DRC11: variants seen among roughly 807,000 people sequenced by gnomAD.
DRC11 encodes the protein IQ and AAA domain-containing protein 1.
chr2:236,507,365 A>G, the DRC11 span: 1 of 1,313,196 alleles, frequency 7.6e-7, no homozygotes, highest in Middle Eastern at 1.9e-4. Context: ...ACCAGGAGCT[A>G]CAGAGGATTT....
chr2:236,380,609 C>T, the DRC11 span: 1 of 1,551,524 alleles, frequency 6.4e-7, no homozygotes, highest in Non-Finnish European at 8.7e-7. This position sits in a 1 kb window ranked among gnomAD's most constrained non-coding sequence, Gnocchi z 4.9. Context: ...GCCTTCTTCT[C>T]TTTCTTTTTG....
the DRC11 span, among the ~76,000 whole-genome samples, chr2:236,352,411 C>T: frequency 6.6e-6 from 1 of 152,046 alleles, no homozygotes; most frequent in African/African-American, 2.4e-5. The surrounding 1 kb of genome is among the most constrained non-coding windows in gnomAD (Gnocchi z 7.0). Context: ...GGACAGAAGG[C>T]AGGAGGATGG....
the DRC11 span, chr2:236,380,551 A>G: frequency 6.5e-7 from 1 of 1,547,640 alleles, no homozygotes; most frequent in Non-Finnish European, 8.7e-7. The surrounding 1 kb of genome is among the most constrained non-coding windows in gnomAD (Gnocchi z 4.9). Flanking sequence ...ATCACAACAC[A>G]ACGAGTCCAT....
chr2:236,439,254 C>A, the DRC11 span, among the ~76,000 whole-genome samples: 1 of 151,908 alleles, frequency 6.6e-6, no homozygotes, highest in Non-Finnish European at 1.5e-5. Flanking sequence ...CACAAAAAAC[C>A]CTTCAAAACA....
At chr2:236,312,053 C>T in the DRC11 span, among the ~76,000 whole-genome samples, 2 of 152,010 alleles carry the variant, frequency 1.3e-5, no homozygotes, top group Non-Finnish European at 2.9e-5. Flanking sequence ...TAATTGATTC[C>T]TTAAAACTCA....
the DRC11 span, among the ~76,000 whole-genome samples, chr2:236,469,922 T>C: frequency 1.3e-5 from 2 of 152,234 alleles, no homozygotes; most frequent in African/African-American, 4.8e-5. The surrounding 1 kb of genome is among the most constrained non-coding windows in gnomAD (Gnocchi z 5.8). Flanking sequence ...TAATGAAGGC[T>C]TCCCATGTGA....
the DRC11 span, chr2:236,507,333 T>C: frequency 6.3e-7 from 1 of 1,578,466 alleles, no homozygotes; most frequent in Non-Finnish European, 8.7e-7. Flanking sequence ...TGAAGGACGG[T>C]GGCAGCAGGG....
chr2:236,317,400 G>C, the DRC11 span, among the ~76,000 whole-genome samples: 1 of 152,146 alleles, frequency 6.6e-6, no homozygotes, highest in Non-Finnish European at 1.5e-5. This position sits in a 1 kb window ranked among gnomAD's most constrained non-coding sequence, Gnocchi z 5.4. Context: ...GACGAACTGC[G>C]ACTGCCTGCA....
At chr2:236,507,472 C>A in the DRC11 span, 1 of 591,820 alleles carries the variant, frequency 1.7e-6, no homozygotes, top group Non-Finnish European at 3.0e-6. Context: ...AGGCACGGAG[C>A]GCGCAGGCGC....
At chr2:236,413,965 A>G in the DRC11 span, among the ~76,000 whole-genome samples, 1 of 152,348 alleles carries the variant, frequency 6.6e-6, no homozygotes, top group East Asian at 1.9e-4. This position sits in a 1 kb window ranked among gnomAD's most constrained non-coding sequence, Gnocchi z 4.0. Context: ...CAGGACTGCT[A>G]TCAGTTAGCA....
chr2:236,450,024 G>C, the DRC11 span, among the ~76,000 whole-genome samples: 1 of 152,230 alleles, frequency 6.6e-6, no homozygotes, highest in Non-Finnish European at 1.5e-5. Flanking sequence ...CATGCGACTG[G>C]AGGGAGGAAG....
the DRC11 span, chr2:236,493,693 T>A: frequency 8.3e-7 from 1 of 1,198,252 alleles, no homozygotes; most frequent in South Asian, 1.6e-5. Context: ...TAAGTGTTGC[T>A]CACACAATTA....
chr2:236,397,953 T>C, the DRC11 span, among the ~76,000 whole-genome samples: 4 of 152,206 alleles, frequency 2.6e-5, no homozygotes, highest in Non-Finnish European at 4.4e-5. This position sits in a 1 kb window ranked among gnomAD's most constrained non-coding sequence, Gnocchi z 5.0. Flanking sequence ...TGAATGTTTG[T>C]TGAAGGAATA....
chr2:236,447,965 G>A, the DRC11 span, among the ~76,000 whole-genome samples: 50 of 152,242 alleles, frequency 3.3e-4, no homozygotes, highest in Admixed American at 1.4e-3. The surrounding 1 kb of genome is among the most constrained non-coding windows in gnomAD (Gnocchi z 4.6). Context: ...AAAACAGTTC[G>A]CAGATAATCA....
At chr2:236,392,449 G>A in the DRC11 span, 1 of 617,768 alleles carries the variant, frequency 1.6e-6, no homozygotes, top group Non-Finnish European at 2.7e-6. The surrounding 1 kb of genome is among the most constrained non-coding windows in gnomAD (Gnocchi z 5.1). Flanking sequence ...GTAAGTTATT[G>A]CAATATAAAC....
the DRC11 span, chr2:236,488,241 C>CA: frequency 7.5e-7 from 1 of 1,341,644 alleles, no homozygotes. Context: ...TTAACCACAT[C>CA]AATTGATCCC....
chr2:236,424,346 T>C, the DRC11 span, among the ~76,000 whole-genome samples: 390 of 152,326 alleles, frequency 2.6e-3, no homozygotes, highest in Non-Finnish European at 4.3e-3. Flanking sequence ...ACCAATTATA[T>C]GGTTTATTTC....
the DRC11 span, among the ~76,000 whole-genome samples, chr2:236,340,075 G>A: frequency 8.5e-5 from 13 of 152,184 alleles, no homozygotes; most frequent in South Asian, 2.1e-4. Flanking sequence ...ATTTTTCAGC[G>A]TTTTTGTAGT....
chr2:236,497,083 A>G, the DRC11 span: 1 of 1,085,998 alleles, frequency 9.2e-7, no homozygotes, highest in South Asian at 1.7e-5. The surrounding 1 kb of genome is among the most constrained non-coding windows in gnomAD (Gnocchi z 5.1). Flanking sequence ...AAGTCTGTAG[A>G]GTATCGTGTA....
Sources: allele counts gnomAD v4.1 joint callset (sites outside exome capture counted in the v4.1 genomes callset), GRCh38; gene constraint gnomAD v4.1.1; non-coding constraint Gnocchi (gnomAD v3.1); transcripts MANE v1.5; gene names NCBI Gene and HGNC (gene_info 2026-07-23, HGNC 2026-07-21).